COL10A1: variants seen among roughly 807,000 people sequenced by gnomAD.
The protein encoded by COL10A1 is collagen type X alpha 1 chain, also known as collagen alpha-1(X) chain.
COL10A1 carries 10 observed loss-of-function variants against 18.2 expected under a neutral mutation model. That is an observed-to-expected ratio of 0.55 (90% CI 0.34 to 0.93). The LOEUF (loss-of-function observed/expected upper bound fraction) is 0.93, where lower values mean the gene tolerates loss of function less well. COL10A1 is among the 40% of genes least tolerant of loss of function. The pLI, the probability that COL10A1 is intolerant of heterozygous loss-of-function variation, is 0.02. For synonymous variants in COL10A1, 330 were observed against 316.6 expected (o/e 1.04, Z -0.45); for missense variants, 897 against 853.5 (o/e 1.05, Z -0.64).
At chr6:116,202,929 TA>T in the COL10A1 span, among the ~76,000 whole-genome samples, 14 of 152,042 alleles carry the variant, frequency 9.2e-5, no homozygotes, top group African/African-American at 3.4e-4. Context: ...GGTAATGTAG[TA>T]ATGCAAAAAG....
intron 2 of COL10A1, among the ~76,000 whole-genome samples, chr6:116,123,307 A>C (rs1325227798): frequency 6.6e-6 from 1 of 152,208 alleles, no homozygotes; most frequent in Non-Finnish European, 1.5e-5. Context: ...ATGGGTCTCA[A>C]CTTCTCAGTG....
intron 1 of COL10A1, among the ~76,000 whole-genome samples, chr6:116,138,883 G>A (rs868566853): frequency 1.3e-5 from 2 of 152,002 alleles, no homozygotes; most frequent in Non-Finnish European, 1.5e-5. Flanking sequence ...TCTTGCTTTT[G>A]GTTTGATTTC....
Position 116,148,517 on chromosome 6 carries a change from G to A in COL10A1, c.-16+10097C>T, listed in dbSNP as rs562840145. Reference sequence around the variant, plus strand: ...CCCAATCTTGCAGTGCCTTAGGATCGTCACTGTGGATGTTGATTTTCATTG... The same window carrying A: ...CCCAATCTTGCAGTGCCTTAGGATCATCACTGTGGATGTTGATTTTCATTG... On this transcript the variant is annotated intron_variant, in intron 1 of 1. Transcript: ENST00000418500. 3.3e-5 allele frequency among the ~76,000 whole-genome samples: 5 copies of A among 152,190 alleles called. No homozygotes were observed. The East Asian group carries it at 5.8e-4, about 18-fold the overall frequency.
chr6:116,143,541 G>C (rs1001911931), intron 1 of COL10A1, among the ~76,000 whole-genome samples: 5 of 151,888 alleles, frequency 3.3e-5, no homozygotes, highest in Non-Finnish European at 7.4e-5. Context: ...TTTTTGTTCA[G>C]GTTGAATTTG....
the COL10A1 span, among the ~76,000 whole-genome samples, chr6:116,215,565 C>T: frequency 2.6e-5 from 4 of 152,122 alleles, no homozygotes; most frequent in African/African-American, 9.7e-5. Flanking sequence ...TCCCAGCTGT[C>T]AGCGTCCTCA....
chr6:116,215,128 T>C, the COL10A1 span, among the ~76,000 whole-genome samples: 3 of 152,288 alleles, frequency 2.0e-5, no homozygotes, highest in Non-Finnish European at 4.4e-5. Context: ...AACATTGTAC[T>C]GATATTAATG....
chr6:116,142,564 C>T, intron 1 of COL10A1, among the ~76,000 whole-genome samples: 1 of 151,852 alleles, frequency 6.6e-6, no homozygotes, highest in East Asian at 1.9e-4. Context: ...AAATAAGGTA[C>T]TTAATTTACA....
At chr6:116,179,781 A>G in the COL10A1 span, among the ~76,000 whole-genome samples, 6 of 152,122 alleles carry the variant, frequency 3.9e-5, 1 homozygote, top group African/African-American at 1.4e-4. Flanking sequence ...GGTTTGGTTC[A>G]GGCATACTGA....
At chr6:116,136,667 GTATC>G (rs977764309) in intron 1 of COL10A1, among the ~76,000 whole-genome samples, 24 of 152,178 alleles carry the variant, frequency 1.6e-4, no homozygotes, top group Non-Finnish European at 2.8e-4. Context: ...TGATATGGCA[GTATC>G]TATCTTTCAT....
At chr6:116,186,603 G>T in the COL10A1 span, among the ~76,000 whole-genome samples, 1 of 151,826 alleles carries the variant, frequency 6.6e-6, no homozygotes, top group Non-Finnish European at 1.5e-5. Flanking sequence ...GTCTTTGTTG[G>T]ATTGAGTTAA....
chr6:116,163,141 A>AAAAAAAAAAAAT (rs761718922), upstream of COL10A1, among the ~76,000 whole-genome samples: 46 of 88,392 alleles, frequency 5.2e-4, 1 homozygote, highest in Non-Finnish European at 6.6e-4. Flanking sequence ...AAAAAAAAAA[A>AAAAAAAAAAAAT]ATATATATAT....
the COL10A1 span, among the ~76,000 whole-genome samples, chr6:116,182,783 T>C: frequency 1.2e-4 from 18 of 152,290 alleles, no homozygotes; most frequent in South Asian, 3.7e-3. Context: ...AGTCTAGATA[T>C]TACTCCTTTG....
the COL10A1 span, among the ~76,000 whole-genome samples, chr6:116,209,435 T>A: frequency 2.0e-5 from 3 of 151,990 alleles, no homozygotes; most frequent in African/African-American, 7.2e-5. Context: ...TAAACATGAA[T>A]GTTAAGATGG....
chr6:116,132,383 C>CTA (rs1779490984), intron 1 of COL10A1, among the ~76,000 whole-genome samples: 1 of 152,050 alleles, frequency 6.6e-6, no homozygotes, highest in Non-Finnish European at 1.5e-5. Flanking sequence ...CCTACTTTTC[C>CTA]TGTACATGTT....
At chr6:116,184,856 A>G in the COL10A1 span, among the ~76,000 whole-genome samples, 2 of 151,298 alleles carry the variant, frequency 1.3e-5, no homozygotes, top group Non-Finnish European at 3.0e-5. Context: ...ATGTTTTGTA[A>G]TTTTTTTTGT....
At chr6:116,180,766 A>G in the COL10A1 span, among the ~76,000 whole-genome samples, 43 of 152,154 alleles carry the variant, frequency 2.8e-4, no homozygotes, top group African/African-American at 1.0e-3. Context: ...AAATGACCCA[A>G]TTTCATCAGT....
intron 1 of COL10A1, among the ~76,000 whole-genome samples, chr6:116,138,514 A>C (rs922335541): frequency 6.6e-6 from 1 of 152,372 alleles, no homozygotes; most frequent in Middle Eastern, 3.4e-3. Context: ...AAAATGGGCT[A>C]GTTCAGAATT....
At chr6:116,127,335 A>G (rs548963654), upstream of COL10A1, among the ~76,000 whole-genome samples, 1 of 152,286 alleles carries the variant, frequency 6.6e-6, no homozygotes, top group African/African-American at 2.4e-5. Context: ...GTAAATGGAT[A>G]AGGCATCTCA....
At chr6:116,158,478 A>G (rs1184969329) in intron 1 of COL10A1, 1 of 152,228 alleles carries the variant, frequency 6.6e-6, no homozygotes, top group Non-Finnish European at 1.5e-5. Context: ...AGAAGGAAGT[A>G]TCATTTTCTT....
Sources: allele counts gnomAD v4.1 joint callset (sites outside exome capture counted in the v4.1 genomes callset), GRCh38; gene constraint gnomAD v4.1.1; transcripts MANE v1.5; gene names NCBI Gene and HGNC (gene_info 2026-07-23, HGNC 2026-07-21).